Variants in TNS1 observed in about 807,000 individuals in gnomAD.
TNS1 encodes the protein tensin-1.
In TNS1, 62 loss-of-function variants were observed where a neutral mutation model predicts 168.6. The observed-to-expected ratio is 0.37, with a 90% CI of 0.30 to 0.45. TNS1 has a LOEUF of 0.45. Ranked by LOEUF, TNS1 falls within the 20% of genes least tolerant of loss-of-function variation. TNS1 has a pLI of 1.00. For synonymous variants in TNS1, 934 were observed against 933.2 expected (o/e 1.00, Z -0.02); for missense variants, 2,240 against 2,339.4 (o/e 0.96, Z 0.88).
chr2:217,958,358 C>A (rs1272201170), intron 3 of TNS1, among the ~76,000 whole-genome samples: 3 of 152,202 alleles, frequency 2.0e-5, no homozygotes, highest in Non-Finnish European at 4.4e-5. Flanking sequence ...TGCAGTCCCA[C>A]ACGGCAGTCA....
chr2:217,992,923 C>T (rs185445295), intron 1 of TNS1, among the ~76,000 whole-genome samples: 6 of 152,274 alleles, frequency 3.9e-5, no homozygotes, highest in South Asian at 2.1e-4. Context: ...TCTTTGCTGA[C>T]GATCAGAAAT....
Position 217,818,025 on chromosome 2 carries a change from C to T in TNS1, c.4307G>A (p.Arg1436Gln), listed in dbSNP as rs747091639. 17 of 1,597,968 alleles carry T rather than the reference C, an allele frequency of 1.1e-5. No individual in the cohort carries two copies. Among genetic ancestry groups the T allele is most frequent in the East Asian group, 2.3e-5 (1 of 44,234 alleles). Reference sequence around the variant, plus strand: ...GCTCTGCCGGGACAGTGTGGGTCTCCGATCCTCCGGGGTAGAATAGCCACC... The same window carrying T: ...GCTCTGCCGGGACAGTGTGGGTCTCTGATCCTCCGGGGTAGAATAGCCACC... ...AYGGYSTPEDRRPTLSRQSSA... is the reference protein window; with the variant it reads ...AYGGYSTPEDQRPTLSRQSSA... Residue 1436 changes from arginine (R) to glutamine (Q), a missense_variant, in exon 24 of 33, where the codon CGG becomes CAG. Coordinates refer to ENST00000682258, the MANE Select transcript of TNS1 (RefSeq NM_001387777.1).
chr2:217,906,210 G>T (rs1953673669), intron 6 of TNS1, 125 bp downstream of exon 6: 1 of 634,248 alleles, frequency 1.6e-6, no homozygotes, highest in East Asian at 2.7e-5. Context: ...CACAATGCCA[G>T]CCTCTCCTTC....
chr2:217,817,746 C>G lies in TNS1; in HGVS notation c.4586G>C (p.Gly1529Ala). 6.2e-7 allele frequency: 1 copy of G among 1,612,698 alleles called. No individual in the cohort carries two copies. Residue 1529 changes from glycine to alanine, a missense_variant, in exon 24 of 33, where the codon GGC (glycine) becomes GCC (alanine). Coordinates refer to ENST00000682258, the MANE Select transcript of TNS1 (RefSeq NM_001387777.1). ...VASGMSSPSG[G>A]STVSFSHTLP... ...AGTGTGGGAGAAGGAGACGGTGCTG[C>G]CCCCACTGGGACTGGACATGCCGCT...
rs111382868 is a variant in TNS1 at position 218,000,279 on chromosome 2, T to C, written c.33+2561A>G. Among the ~76,000 whole-genome samples the C allele has an allele frequency of 9.1e-3, 1,393 of 152,344 alleles. 23 individuals are homozygous for C. The highest frequency in any genetic ancestry group is 0.029 in the African/African-American group (1,199 of 41,582). Reference sequence around the variant, plus strand: ...TTGCAGCTTTCCCCATACAGGAACATGTGAACCAATAGATGCAAGCACTCA... The same window carrying C: ...TTGCAGCTTTCCCCATACAGGAACACGTGAACCAATAGATGCAAGCACTCA... On this transcript the variant is annotated intron_variant, in intron 1 of 32. Coordinates refer to ENST00000682258, the MANE Select transcript of TNS1 (RefSeq NM_001387777.1).
In TNS1 at chr2:217,804,603, C is replaced by T. The variant is rs144669301; in HGVS notation, c.5376G>A (p.Lys1792=). 71 of 1,614,012 alleles carry T rather than the reference C, an allele frequency of 4.4e-5. No homozygotes were observed. In the African/African-American group the frequency reaches 8.1e-4, roughly 18 times the overall value. ...WMKTEGGAPA[K]LFGFVARKQG... is the part of the protein sequence containing the mutation. ...GCTTCCGGGCCACGAAGCCGAAGAG[C>T]CTGCAGGCGGGAGAGGGCAACGGGC... The change falls in exon 33 of 33, where the codon AAG becomes AAA. Residue 1792 remains lysine (K), a splice_region_variant and synonymous_variant. Transcript: ENST00000682258.
chr2:217,903,668 CAG>C lies in TNS1; in HGVS notation c.321+2665_321+2666del, dbSNP rs1953295058. 20 of 1,420,426 alleles carry C rather than the reference CAG, an allele frequency of 1.4e-5. No homozygotes were observed. The East Asian group carries it at 5.0e-4, about 35-fold the overall frequency. 88.0% of individuals were successfully genotyped at this position (1,420,426 alleles called of 1,614,324 possible). A position where few individuals can be genotyped will look rare whatever the true frequency, so the allele number is the denominator to read the frequency against. ...AAAGGAAATTCGACAGCCTCCCAGA[CAG>C]AGTGTCTTACTTTTCTCACTGTCAG... On this transcript the variant is annotated intron_variant, in intron 6 of 32. Transcript: ENST00000682258.
intron 1 of TNS1, among the ~76,000 whole-genome samples, chr2:218,030,854 T>C (rs1958885913): frequency 6.6e-6 from 1 of 152,236 alleles, no homozygotes; most frequent in South Asian, 2.1e-4. Context: ...TGTGTGTCTG[T>C]GTGTGTCAGT....
chr2:217,967,386 A>T (rs1381534537), intron 3 of TNS1, among the ~76,000 whole-genome samples: 1 of 152,250 alleles, frequency 6.6e-6, no homozygotes, highest in South Asian at 2.1e-4. Flanking sequence ...AGTAAGGAAA[A>T]GGTAAATTCT....
At chr2:218,004,947 T>G (rs1179261896), upstream of TNS1, among the ~76,000 whole-genome samples, 1 of 152,170 alleles carries the variant, frequency 6.6e-6, no homozygotes, top group Non-Finnish European at 1.5e-5. Flanking sequence ...GACAGAAACC[T>G]CTGCAAACCC....
chr2:217,900,375 G>A (rs964422832), intron 7 of TNS1, 88 bp downstream of exon 7: 1 of 1,453,586 alleles, frequency 6.9e-7, no homozygotes. Context: ...CTGCAGTCCG[G>A]GGGACCCAGA....
chr2:217,923,191 C>T (rs941558706), intron 3 of TNS1, among the ~76,000 whole-genome samples: 3 of 152,114 alleles, frequency 2.0e-5, no homozygotes, highest in African/African-American at 7.2e-5. Context: ...GTCATAGGCT[C>T]ACCTCCCAGA....
chr2:218,019,971 CT>C (rs753297119), intron 1 of TNS1, among the ~76,000 whole-genome samples: 1 of 152,136 alleles, frequency 6.6e-6, no homozygotes, highest in Non-Finnish European at 1.5e-5. Flanking sequence ...CTGCCCTACT[CT>C]TTTTTGCAGG....
chr2:217,825,881 A>C (rs944934824), intron 22 of TNS1, among the ~76,000 whole-genome samples: 6 of 152,220 alleles, frequency 3.9e-5, no homozygotes, highest in African/African-American at 1.4e-4. Flanking sequence ...CCTAAACTGC[A>C]GAACACCAGA....
chr2:218,013,533 C>G (rs1958728701), upstream of TNS1, among the ~76,000 whole-genome samples: 1 of 152,160 alleles, frequency 6.6e-6, no homozygotes, highest in African/African-American at 2.4e-5. Context: ...GCCCCCAGCT[C>G]CTCGCATCTC....
intron 18 of TNS1, among the ~76,000 whole-genome samples, chr2:217,876,889 T>C (rs1407064349): frequency 1.3e-5 from 2 of 152,182 alleles, no homozygotes; most frequent in Non-Finnish European, 2.9e-5. Context: ...TCCAGAACTA[T>C]GAGAAAATTC....
At chr2:217,804,778 C>T (rs910294447) in intron 32 of TNS1, among the ~76,000 whole-genome samples, 175 bp from the exon 33 acceptor site, 2 of 152,160 alleles carry the variant, frequency 1.3e-5, no homozygotes, top group Non-Finnish European at 2.9e-5. Context: ...GTGCACTCCC[C>T]TGACCACAAG....
In TNS1 at chr2:217,900,667, G is replaced by GC. The variant is rs1217196889; in HGVS notation, c.322-156dup. 5 of 789,452 alleles carry GC rather than the reference G, an allele frequency of 6.3e-6. No individual in the cohort carries two copies. The African/African-American group carries it at 8.8e-5, about 14-fold the overall frequency. The allele number at this position is 789,452 out of a possible 1,614,324, so 48.9% of individuals were successfully genotyped here. ...CCTAACCCCTGCAAAAACACAGCCTGCCCGAAGCCAAAGCCATCAACACTG... is the reference window on the plus strand; with the variant it reads ...CCTAACCCCTGCAAAAACACAGCCTGCCCCGAAGCCAAAGCCATCAACACTG... On this transcript the variant is annotated intron_variant, in intron 6 of 32. Coordinates refer to ENST00000682258, the MANE Select transcript of TNS1 (RefSeq NM_001387777.1).
At chr2:217,979,220 T>A (rs902344563) in intron 2 of TNS1, among the ~76,000 whole-genome samples, 2 of 151,680 alleles carry the variant, frequency 1.3e-5, no homozygotes, top group African/African-American at 4.8e-5. Flanking sequence ...CAAACCACAA[T>A]CACACTTACT....
Sources: allele counts gnomAD v4.1 joint callset (sites outside exome capture counted in the v4.1 genomes callset), GRCh38; gene constraint gnomAD v4.1.1; transcripts MANE v1.5; gene names NCBI Gene and HGNC (gene_info 2026-07-23, HGNC 2026-07-21).